DRG1: variants seen among roughly 807,000 people sequenced by gnomAD.
The protein encoded by DRG1 is developmentally-regulated GTP-binding protein 1.
DRG1 carries 19 observed loss-of-function variants against 38.8 expected under a neutral mutation model. That is an observed-to-expected ratio of 0.49 (90% CI 0.34 to 0.72). The LOEUF is 0.72. DRG1 is among the 30% of genes least tolerant of loss of function. DRG1 has a pLI of 0.01. For missense variants in DRG1, 299 were observed against 444.8 expected, an observed-to-expected ratio of 0.67 and a Z score of 2.95; for synonymous variants, 167 against 157.5, an observed-to-expected ratio of 1.06 and a Z score of -0.45.
In DRG1 at chr22:31,434,051, G is replaced by C; in HGVS notation, c.*80G>C. 2 of 1,371,248 alleles carry C rather than the reference G, an allele frequency of 1.5e-6. No homozygotes were observed. The highest frequency in any genetic ancestry group is 2.0e-6 in the Non-Finnish European group (2 of 981,156). 84.9% of individuals were successfully genotyped at this position (1,371,248 alleles called of 1,614,324 possible). ...AAGCACCCTACCCCAGTTCTTTCTG[G>C]TTTTGGCAGTCACTGGATCAGGATC... is the stretch of plus-strand genomic sequence containing the variant. On this transcript the variant is annotated 3_prime_UTR_variant, in exon 9 of 9. Transcript: ENST00000331457.
intron 3 of DRG1, 70 bp downstream of exon 3, chr22:31,403,274 C>G (rs1351466161): frequency 2.1e-5 from 31 of 1,476,282 alleles, no homozygotes; most frequent in Non-Finnish European, 2.7e-5. Flanking sequence ...TTATTGGGAG[C>G]TCACTGTATG....
At chr22:31,406,065 C>T (rs1215238834) in intron 3 of DRG1, among the ~76,000 whole-genome samples, 1 of 148,026 alleles carries the variant, frequency 6.8e-6, no homozygotes, top group Non-Finnish European at 1.5e-5. Flanking sequence ...AGTGCAGTGG[C>T]ACAATCTCGG....
At chr22:31,408,288 C>T (rs1219942650) in intron 3 of DRG1, among the ~76,000 whole-genome samples, 11 of 144,830 alleles carry the variant, frequency 7.6e-5, no homozygotes, top group Non-Finnish European at 1.1e-4. Flanking sequence ...TACAGGTGCC[C>T]GCCACTACGC....
chr22:31,411,345 G>C (rs2050016980), intron 4 of DRG1, among the ~76,000 whole-genome samples: 1 of 152,054 alleles, frequency 6.6e-6, no homozygotes, highest in African/African-American at 2.4e-5. Flanking sequence ...AGCTAGTGGA[G>C]TCTGTATTGG....
chr22:31,415,062 C>T (rs1370736347), intron 4 of DRG1, among the ~76,000 whole-genome samples: 1 of 152,132 alleles, frequency 6.6e-6, no homozygotes, highest in African/African-American at 2.4e-5. Context: ...CTGGCATGTA[C>T]GACCATGGCA....
intron 3 of DRG1, among the ~76,000 whole-genome samples, chr22:31,408,399 C>T (rs1306610696): frequency 1.3e-5 from 2 of 151,150 alleles, no homozygotes; most frequent in African/African-American, 2.4e-5. Flanking sequence ...TCACCTTGGC[C>T]TCCCAAAGTA....
At chr22:31,426,504 A>C (rs1256113042) in intron 6 of DRG1, 111 bp from the exon 7 acceptor site, 2 of 856,370 alleles carry the variant, frequency 2.3e-6, no homozygotes, top group East Asian at 5.1e-5. Flanking sequence ...TGCTACTTAC[A>C]GTCCCTCTTG....
intron 1 of DRG1, among the ~76,000 whole-genome samples, chr22:31,400,189 C>G (rs1414610481): frequency 6.6e-6 from 1 of 151,960 alleles, no homozygotes; most frequent in Admixed American, 6.6e-5. Flanking sequence ...CCCCCTGATT[C>G]AGAGTATTTG....
chr22:31,433,978 TCC>T lies in DRG1; in HGVS notation c.*9_*10del, dbSNP rs1414118268. ...TCAAATTGTGAAGAAGTGAAACCTTTCCCTTTTCCCATCTGCCGGACGAACCA... is the reference window on the plus strand; with the variant it reads ...TCAAATTGTGAAGAAGTGAAACCTTTCTTTTCCCATCTGCCGGACGAACCA... On this transcript the variant is annotated 3_prime_UTR_variant, in exon 9 of 9. Coordinates refer to ENST00000331457, the MANE Select transcript of DRG1 (RefSeq NM_004147.4). 1 of 1,613,096 alleles carries T rather than the reference TCC, an allele frequency of 6.2e-7. No individual in the cohort carries two copies. Among genetic ancestry groups the T allele is most frequent in the East Asian group, 2.2e-5 (1 of 44,876 alleles).
At chr22:31,416,619 G>A (rs1182200469) in intron 4 of DRG1, among the ~76,000 whole-genome samples, 4 of 152,130 alleles carry the variant, frequency 2.6e-5, no homozygotes, top group African/African-American at 7.2e-5. Flanking sequence ...GCCAGGCATG[G>A]TGGCAGGTAC....
At chr22:31,399,835 G>A in intron 1 of DRG1, 110 bp downstream of exon 1, 1 of 1,525,298 alleles carries the variant, frequency 6.6e-7, no homozygotes, top group Non-Finnish European at 9.1e-7. Context: ...TAGATTCCGC[G>A]ACTTCTCTCA....
At chr22:31,420,476 G>T in intron 5 of DRG1, 51 bp downstream of exon 5, 1 of 1,609,508 alleles carries the variant, frequency 6.2e-7, no homozygotes, top group Non-Finnish European at 8.5e-7. Context: ...TTGGAATGGG[G>T]AGTGGATTGG....
chr22:31,422,876 C>T (rs981585057), intron 5 of DRG1, among the ~76,000 whole-genome samples: 1 of 152,184 alleles, frequency 6.6e-6, no homozygotes, highest in Non-Finnish European at 1.5e-5. Context: ...CCTTGGCTTA[C>T]AGATGGGACT....
intron 1 of DRG1, 87 bp downstream of exon 1, chr22:31,399,812 TCAGGACCGGGC>T (rs1601522281): frequency 6.3e-7 from 1 of 1,599,050 alleles, no homozygotes; most frequent in East Asian, 2.2e-5. Flanking sequence ...TTGAGCCGCG[TCAGGACCGGGC>T]CTAGATTCCG....
chr22:31,420,876 C>A (rs914457233), intron 5 of DRG1, among the ~76,000 whole-genome samples: 1 of 151,966 alleles, frequency 6.6e-6, no homozygotes, highest in Non-Finnish European at 1.5e-5. Context: ...ATAATGTATT[C>A]GTCAATGATA....
chr22:31,424,648 G>C (rs1460668956), intron 6 of DRG1, among the ~76,000 whole-genome samples: 6 of 151,214 alleles, frequency 4.0e-5, no homozygotes, highest in African/African-American at 1.5e-4. Flanking sequence ...ATAGGCGCCT[G>C]CCACTACATC....
rs544411389 is a variant in DRG1, at chr22:31,430,386, C to CA, written c.1004+3205dup. Among the ~76,000 whole-genome samples the CA allele has an allele frequency of 4.7e-4, 72 of 151,876 alleles. 3 individuals are homozygous for CA. In the South Asian group the frequency reaches 0.011, roughly 23 times the overall value. ...TATCTCTGATTCTAGTTCAATACTA[C>CA]AGGGTTAATTTTTTTTTTTTTTTCT... On this transcript the variant is annotated intron_variant, in intron 8 of 8. Coordinates refer to ENST00000331457, the MANE Select transcript of DRG1 (RefSeq NM_004147.4).
intron 8 of DRG1, 128 bp from the exon 9 acceptor site, chr22:31,433,744 A>C: frequency 1.4e-6 from 1 of 702,656 alleles, no homozygotes; most frequent in Non-Finnish European, 2.3e-6. Flanking sequence ...TAGGGAAGAT[A>C]AAGCTTTTGT....
At position 31,433,947 on chromosome 22, in the gene DRG1, T is replaced by C; in HGVS notation, c.1080T>C (p.Asp360=). 1 of 1,614,036 alleles carries C rather than the reference T, an allele frequency of 6.2e-7. No individual in the cohort carries two copies. The highest frequency in any genetic ancestry group is 1.1e-5 in the South Asian group (1 of 91,082). Reference sequence around the variant, plus strand: ...AAGACCATACGTTGGAGGATGAGGATGTCATTCAAATTGTGAAGAAGTGAA... The same window carrying C: ...AAGACCATACGTTGGAGGATGAGGACGTCATTCAAATTGTGAAGAAGTGAA... The part of the protein sequence containing the change: ...VGKDHTLEDE[D]VIQIVKK The change falls in exon 9 of 9, where the codon GAT becomes GAC. Residue 360 remains aspartate, a synonymous_variant. Transcript: ENST00000331457.
Sources: allele counts gnomAD v4.1 joint callset (sites outside exome capture counted in the v4.1 genomes callset), GRCh38; gene constraint gnomAD v4.1.1; transcripts MANE v1.5; gene names NCBI Gene and HGNC (gene_info 2026-07-23, HGNC 2026-07-21).